SSBP4: variants seen among roughly 807,000 people sequenced by gnomAD.
The protein encoded by SSBP4 is single stranded DNA binding protein 4, also known as single-stranded DNA-binding protein 4.
In SSBP4, 33 loss-of-function variants were observed where a neutral mutation model predicts 64.6. The observed-to-expected ratio is 0.51, with a 90% CI of 0.39 to 0.68. SSBP4 has a LOEUF of 0.68. Among genes scored for constraint, SSBP4 ranks in the 30% least tolerant of loss-of-function variants. SSBP4 has a pLI of 0.00. For synonymous variants in SSBP4, 243 were observed against 224.0 expected (o/e 1.08, Z -0.76); for missense variants, 583 against 566.8 (o/e 1.03, Z -0.29).
At chr19:18,403,859 C>T in the SSBP4 span, among the ~76,000 whole-genome samples, 1 of 152,044 alleles carries the variant, frequency 6.6e-6, no homozygotes, top group Non-Finnish European at 1.5e-5. Context: ...GCTCAAGGCT[C>T]CACTGGCCTC....
the SSBP4 span, among the ~76,000 whole-genome samples, chr19:18,407,116 C>A: frequency 6.6e-6 from 1 of 152,010 alleles, no homozygotes; most frequent in African/African-American, 2.4e-5. Flanking sequence ...TGGCTCACTG[C>A]GACCTCTGCC....
chr19:18,430,607 G>A (rs557186229), intron 4 of SSBP4, among the ~76,000 whole-genome samples: 1 of 152,322 alleles, frequency 6.6e-6, no homozygotes, highest in Admixed American at 6.5e-5. Flanking sequence ...GGCCAGTTGA[G>A]ATGGGTCTGG....
upstream of SSBP4, among the ~76,000 whole-genome samples, chr19:18,417,059 CTCCCTCCCTCCT>C (rs1311113883): frequency 6.6e-6 from 1 of 152,018 alleles, no homozygotes; most frequent in Non-Finnish European, 1.5e-5. This position sits in a 1 kb window ranked among gnomAD's most constrained non-coding sequence, Gnocchi z 5.4. Context: ...GCGCCTCAGC[CTCCCTCCCTCCT>C]TCCCTCCCTC....
At chr19:18,404,988 C>A in the SSBP4 span, among the ~76,000 whole-genome samples, 29 of 145,546 alleles carry the variant, frequency 2.0e-4, no homozygotes, top group East Asian at 2.6e-3. Flanking sequence ...CCCAGAGGCC[C>A]CCCCCCCCGC....
At chr19:18,430,589 C>G (rs537520655) in intron 4 of SSBP4, among the ~76,000 whole-genome samples, 12 of 152,246 alleles carry the variant, frequency 7.9e-5, no homozygotes, top group Admixed American at 6.5e-4. Context: ...CCAGCCAGGA[C>G]GATGCAGGGC....
In SSBP4 at chr19:18,423,611, C is replaced by G. The variant is rs1477351141; in HGVS notation, c.60-3740C>G. 6.6e-6 allele frequency among the ~76,000 whole-genome samples: 1 copy of G among 152,184 alleles called. No individual in the cohort carries two copies. The highest frequency in any genetic ancestry group is 6.5e-5 in the Admixed American group (1 of 15,280). On this transcript the variant is annotated intron_variant, in intron 1 of 17. Coordinates refer to ENST00000270061, the MANE Select transcript of SSBP4 (RefSeq NM_032627.5). This position sits in a 1 kb window ranked among gnomAD's most constrained non-coding sequence, Gnocchi z 4.0. ...CAGCCATTCTGGGTAATTATGGTAACTCGCGTCATTACGGTGGTAGCTGTG... is the reference window on the plus strand; with the variant it reads ...CAGCCATTCTGGGTAATTATGGTAAGTCGCGTCATTACGGTGGTAGCTGTG...
rs1486564671 is a variant in SSBP4, at chr19:18,434,559, G to C, written c.*313G>C. 1.9e-6 allele frequency: 1 copy of C among 530,748 alleles called. No individual in the cohort carries two copies. Among genetic ancestry groups the C allele is most frequent in the East Asian group, 3.2e-5 (1 of 31,406 alleles). 32.9% of individuals were successfully genotyped at this position (530,748 alleles called of 1,614,324 possible). On this transcript the variant is annotated 3_prime_UTR_variant, in exon 18 of 18. Transcript: ENST00000270061. ...TAAATGGAAGCTGGTTTTGGTTTTT[G>C]GTAGCTTGTCTCAGATTCCCTCTTT...
rs1270818878 is a variant in SSBP4, at chr19:18,419,458, C to T, written c.-191C>T. On this transcript the variant is annotated 5_prime_UTR_variant, in exon 1 of 18. Transcript: ENST00000270061. ...AAAAAAAGCCACCCTGCGGCCGGGG[C>T]CGGAGCTGGAGCCGCCGCTGCCGCC... is the stretch of plus-strand genomic sequence containing the variant. 2 of 1,065,990 alleles carry T rather than the reference C, an allele frequency of 1.9e-6. No individual in the cohort carries two copies. Among genetic ancestry groups the T allele is most frequent in the Non-Finnish European group, 2.3e-6 (2 of 883,606 alleles). The allele number at this position is 1,065,990 out of a possible 1,614,324, so 66.0% of individuals were successfully genotyped here.
chr19:18,413,732 G>A, the SSBP4 span, among the ~76,000 whole-genome samples: 2 of 152,134 alleles, frequency 1.3e-5, no homozygotes, highest in Admixed American at 1.3e-4. Context: ...GGCATTCCCA[G>A]GGCAGGCACG....
In SSBP4 at chr19:18,433,575, G is replaced by C. The variant is rs927144993; in HGVS notation, c.992-10G>C. 1.3e-6 allele frequency: 2 copies of C among 1,545,546 alleles called. No homozygotes were observed. The highest frequency in any genetic ancestry group is 1.4e-5 in the African/African-American group (1 of 71,850). Reference sequence around the variant, plus strand: ...TCTGAGCCGGTGCCCGTGTCTGTCCGTGTCTGTAGGCTCGGGCGACATGGA... The same window carrying C: ...TCTGAGCCGGTGCCCGTGTCTGTCCCTGTCTGTAGGCTCGGGCGACATGGA... On this transcript the variant is annotated splice_polypyrimidine_tract_variant and intron_variant, in intron 15 of 17. Coordinates refer to ENST00000270061, the MANE Select transcript of SSBP4 (RefSeq NM_032627.5).
rs1972584980 is a variant in SSBP4, at chr19:18,423,260, C to T, written c.59+3553C>T. Among the ~76,000 whole-genome samples, 1 of 152,200 alleles carries T rather than the reference C, an allele frequency of 6.6e-6. No homozygotes were observed. ...TCCCGGGCTTGATTTTGAGCCGGCA[C>T]ATGGATGTCGGTGGCTTGTTCATCA... is the stretch of plus-strand genomic sequence containing the variant. On this transcript the variant is annotated intron_variant, in intron 1 of 17. Coordinates refer to ENST00000270061, the MANE Select transcript of SSBP4 (RefSeq NM_032627.5). This position sits in a 1 kb window ranked among gnomAD's most constrained non-coding sequence, Gnocchi z 4.0.
At chr19:18,407,104 C>G in the SSBP4 span, among the ~76,000 whole-genome samples, 2 of 152,016 alleles carry the variant, frequency 1.3e-5, no homozygotes, top group Non-Finnish European at 2.9e-5. Context: ...GGGGCATGAA[C>G]TTGGCTCACT....
chr19:18,431,784 C>A lies in SSBP4; in HGVS notation c.496-9C>A, dbSNP rs990158476. ...CCCCACACTCAGTGCCGCCGCACCC[C>A]CTCCGCAGCCTCCCGCAGGCCTCCC... On this transcript the variant is annotated splice_polypyrimidine_tract_variant and intron_variant, in intron 7 of 17. Coordinates refer to ENST00000270061, the MANE Select transcript of SSBP4 (RefSeq NM_032627.5). 6.5e-7 allele frequency: 1 copy of A among 1,549,620 alleles called. No individual in the cohort carries two copies. The highest frequency in any genetic ancestry group is 8.7e-7 in the Non-Finnish European group (1 of 1,144,930).
At chr19:18,434,025 C>A (rs1006024639) in intron 17 of SSBP4, 192 bp from the exon 18 acceptor site, 9 of 1,288,060 alleles carry the variant, frequency 7.0e-6, no homozygotes, top group African/African-American at 1.6e-5. Flanking sequence ...CGATCCCATC[C>A]GCCCCCACCC....
chr19:18,424,371 G>GC (rs1163977892), intron 1 of SSBP4, among the ~76,000 whole-genome samples: 1 of 152,120 alleles, frequency 6.6e-6, no homozygotes, highest in Non-Finnish European at 1.5e-5. Context: ...CCAAGTCCCC[G>GC]CCCCACGTCA....
the SSBP4 span, among the ~76,000 whole-genome samples, chr19:18,410,008 T>C: frequency 1.3e-5 from 2 of 152,030 alleles, no homozygotes; most frequent in African/African-American, 4.8e-5. Context: ...ATTTTTGTTT[T>C]TTGGAGACGG....
At chr19:18,432,314 TG>T (rs1973472749) in intron 10 of SSBP4, 100 bp downstream of exon 10, 1 of 1,468,906 alleles carries the variant, frequency 6.8e-7, no homozygotes, top group Admixed American at 2.1e-5. Flanking sequence ...AGGACAGCCT[TG>T]GATATTGTTT....
At chr19:18,433,959 C>T (rs1348853744) in intron 17 of SSBP4, 142 bp downstream of exon 17, 40 of 1,118,594 alleles carry the variant, frequency 3.6e-5, no homozygotes, top group Middle Eastern at 3.4e-4. Flanking sequence ...GGCATCCTTT[C>T]CCTCTCCTCA....
chr19:18,421,880 G>A (rs568882835), intron 1 of SSBP4, among the ~76,000 whole-genome samples: 9 of 152,290 alleles, frequency 5.9e-5, no homozygotes, highest in South Asian at 2.1e-4. Flanking sequence ...TGGGGAGGCC[G>A]GGCGTGGTGG....
Sources: allele counts gnomAD v4.1 joint callset (sites outside exome capture counted in the v4.1 genomes callset), GRCh38; gene constraint gnomAD v4.1.1; non-coding constraint Gnocchi (gnomAD v3.1); transcripts MANE v1.5; gene names NCBI Gene and HGNC (gene_info 2026-07-23, HGNC 2026-07-21).